NECTIN3: variants seen among roughly 807,000 people sequenced by gnomAD.
The protein encoded by NECTIN3 is nectin cell adhesion molecule 3.
A neutral mutation model predicts 49.4 loss-of-function variants in NECTIN3; 8 were observed. That is an observed-to-expected ratio of 0.16 (90% CI 0.10 to 0.29). The LOEUF (loss-of-function observed/expected upper bound fraction) is 0.29, where lower values mean the gene tolerates loss of function less well. Ranked by LOEUF, NECTIN3 falls within the 10% of genes least tolerant of loss-of-function variation. NECTIN3 has a pLI of 1.00. For synonymous variants in NECTIN3, 277 were observed against 241.1 expected (o/e 1.15, Z -1.38); for missense variants, 581 against 654.6 (o/e 0.89, Z 1.23).
At chr3:111,171,339 G>A (rs2035428902) in intron 7 of NECTIN3, among the ~76,000 whole-genome samples, 1 of 152,172 alleles carries the variant, frequency 6.6e-6, no homozygotes, top group Non-Finnish European at 1.5e-5. Context: ...GAACCCTTGG[G>A]GGAAATCCTT....
At position 111,135,042 on chromosome 3, in the gene NECTIN3, T is replaced by TTA; in HGVS notation, c.*827_*828insTA. 2 of 981,674 alleles carry TTA rather than the reference T, an allele frequency of 2.0e-6. No individual in the cohort carries two copies. The highest frequency in any genetic ancestry group is 2.4e-6 in the Non-Finnish European group (2 of 826,644). The allele number at this position is 981,674 out of a possible 1,614,324, so 60.8% of individuals were successfully genotyped here. On this transcript the variant is annotated 3_prime_UTR_variant, in exon 6 of 6. Coordinates refer to ENST00000485303, the MANE Select transcript of NECTIN3 (RefSeq NM_015480.3). ...GCAGTAGCCTTATTTTAATGCTTTA[T>TTA]GTCCTAAACATACTAATAGAAATGA... is the stretch of plus-strand genomic sequence containing the variant.
chr3:111,081,846 G>A (rs182203764), intron 1 of NECTIN3, among the ~76,000 whole-genome samples: 44 of 152,298 alleles, frequency 2.9e-4, no homozygotes, highest in Admixed American at 2.6e-3. Flanking sequence ...GAGGGAAGTC[G>A]TGGATTTTTA....
At chr3:111,161,011 A>G (rs921175966) in intron 7 of NECTIN3, among the ~76,000 whole-genome samples, 1 of 152,252 alleles carries the variant, frequency 6.6e-6, no homozygotes, top group African/African-American at 2.4e-5. Context: ...CGTCTCAAAA[A>G]AAATGGATCG....
chr3:111,113,565 T>C (rs2033562704), intron 2 of NECTIN3, among the ~76,000 whole-genome samples: 1 of 152,200 alleles, frequency 6.6e-6, no homozygotes, highest in South Asian at 2.1e-4. Flanking sequence ...TTAGTATATT[T>C]AAGACACTGC....
downstream of NECTIN3, among the ~76,000 whole-genome samples, chr3:111,140,696 C>T (rs1303956978): frequency 6.6e-6 from 1 of 151,760 alleles, no homozygotes; most frequent in African/African-American, 2.4e-5. Flanking sequence ...TTAGTTCACT[C>T]AGCTGAGCTC....
At chr3:111,099,762 G>C (rs2032796346) in intron 1 of NECTIN3, among the ~76,000 whole-genome samples, 1 of 152,142 alleles carries the variant, frequency 6.6e-6, no homozygotes, top group African/African-American at 2.4e-5. Context: ...TAGTGATGCT[G>C]GGGTTAGGGG....
chr3:111,113,479 A>G (rs945162287), intron 2 of NECTIN3, among the ~76,000 whole-genome samples: 2 of 152,208 alleles, frequency 1.3e-5, no homozygotes, highest in Admixed American at 6.5e-5. Flanking sequence ...TCTGAAGTAT[A>G]GGACAGCAAT....
chr3:111,111,159 T>TC (rs1421332161), intron 1 of NECTIN3, among the ~76,000 whole-genome samples: 2 of 152,210 alleles, frequency 1.3e-5, no homozygotes, highest in Non-Finnish European at 2.9e-5. Context: ...TTATACATAT[T>TC]CTGATATACT....
chr3:111,173,267 G>A (rs988011102), intron 7 of NECTIN3, among the ~76,000 whole-genome samples: 2 of 152,104 alleles, frequency 1.3e-5, no homozygotes, highest in African/African-American at 2.4e-5. Flanking sequence ...TTTCCTCCAG[G>A]TGATAACATT....
At chr3:111,181,696 T>C (rs2035629118) in intron 7 of NECTIN3, among the ~76,000 whole-genome samples, 1 of 152,118 alleles carries the variant, frequency 6.6e-6, no homozygotes, top group East Asian at 1.9e-4. Context: ...ATACACTTTT[T>C]TAACCTTTTA....
rs143643640 is a variant in NECTIN3, at chr3:111,114,222, T to C, written c.502+1851T>C. Among the ~76,000 whole-genome samples the C allele has an allele frequency of 1.1e-3, 162 of 152,270 alleles. 3 individuals are homozygous for C. The highest frequency in any genetic ancestry group is 3.8e-3 in the African/African-American group (156 of 41,556). ...TCTTTTTTCAAAAACCCAAGTCTTA[T>C]CATCATCATAAACTATTTGCAGTTC... On this transcript the variant is annotated intron_variant, in intron 2 of 5. Transcript: ENST00000485303.
At chr3:111,078,773 A>G (rs2031408151) in intron 1 of NECTIN3, among the ~76,000 whole-genome samples, 2 of 152,058 alleles carry the variant, frequency 1.3e-5, no homozygotes, top group Admixed American at 6.6e-5. Flanking sequence ...TCTATTTCCC[A>G]TTGCCTCACC....
At chr3:111,190,560 G>A (rs989279547), upstream of NECTIN3, among the ~76,000 whole-genome samples, 16 of 152,154 alleles carry the variant, frequency 1.1e-4, 1 homozygote, top group African/African-American at 3.6e-4. Flanking sequence ...AGTGTCTGGC[G>A]AGGGCCTTAT....
intron 1 of NECTIN3, among the ~76,000 whole-genome samples, chr3:111,098,300 A>T (rs142663350): frequency 2.0e-5 from 3 of 152,204 alleles, no homozygotes; most frequent in African/African-American, 7.2e-5. Context: ...TAGGGCTTCT[A>T]TAACACATTA....
chr3:111,157,297 A>G (rs991610758), intron 7 of NECTIN3, among the ~76,000 whole-genome samples: 1 of 152,174 alleles, frequency 6.6e-6, no homozygotes, highest in Non-Finnish European at 1.5e-5. Context: ...AGCAAAATAC[A>G]TATGTTACAC....
intron 1 of NECTIN3, among the ~76,000 whole-genome samples, chr3:111,077,613 C>A (rs968508965): frequency 6.6e-6 from 1 of 151,910 alleles, no homozygotes; most frequent in Non-Finnish European, 1.5e-5. Context: ...TTTTGTAAGA[C>A]GGGTGAGGTG....
chr3:111,079,083 T>A (rs2031428794), intron 1 of NECTIN3, among the ~76,000 whole-genome samples: 1 of 152,132 alleles, frequency 6.6e-6, no homozygotes, highest in Non-Finnish European at 1.5e-5. Flanking sequence ...GCTTGACTCT[T>A]CTGTTGCTTC....
At chr3:111,183,464 A>G (rs879608564) in intron 7 of NECTIN3, among the ~76,000 whole-genome samples, 1 of 152,036 alleles carries the variant, frequency 6.6e-6, no homozygotes, top group Non-Finnish European at 1.5e-5. Flanking sequence ...GGCGCCCGCC[A>G]CCACACCTGG....
chr3:111,145,031 A>G (rs1409979371), exon 6 of NECTIN3: 17 of 1,536,256 alleles, frequency 1.1e-5, no homozygotes, highest in Non-Finnish European at 1.4e-5. Flanking sequence ...TCCTATCTTG[A>G]CAAAGTGTAG....
Sources: gnomAD v4.1 joint callset for allele counts (sites outside exome capture counted in the v4.1 genomes callset) on GRCh38, gnomAD v4.1.1 for gene constraint, MANE v1.5 for transcripts, NCBI Gene and HGNC (gene_info 2026-07-23, HGNC 2026-07-21) for gene names.